ABCA10: variants seen among roughly 807,000 people sequenced by gnomAD.
ABCA10 encodes the protein ATP binding cassette subfamily A member 10.
ABCA10 carries 169 observed loss-of-function variants against 187.5 expected under a neutral mutation model. The ratio of observed to expected loss-of-function variants is 0.90; its 90% CI spans 0.80 to 1.02. The LOEUF (loss-of-function observed/expected upper bound fraction) is 1.02. Among genes scored for constraint, ABCA10 ranks in the 50% least tolerant of loss-of-function variants. The pLI, the probability that ABCA10 is intolerant of heterozygous loss-of-function variation, is 0.00. For synonymous variants in ABCA10, 574 were observed against 601.8 expected, an observed-to-expected ratio of 0.95 and a Z score of 0.68; for missense variants, 1,727 against 1,812.4, an observed-to-expected ratio of 0.95 and a Z score of 0.86.
At position 69,153,945 on chromosome 17, in the gene ABCA10, C is replaced by G. The variant is rs2074151623; in HGVS notation, c.3851G>C (p.Gly1284Ala). Residue 1284 changes from glycine (G) to alanine (A), a missense_variant, in exon 32 of 39, where the codon GGG (glycine) becomes GCG (alanine). Transcript: ENST00000690296. The stretch of plus-strand genomic sequence containing the variant: ...CAGTGAGTTCTCCTGAGGGCAGTAC[C>G]CCAAGAACTTGAGGCTGTTGTCATG... Reference protein sequence around the residue: ...QQHDNSLKFLGYCPQENSLWP... With the variant: ...QQHDNSLKFLAYCPQENSLWP... The G allele has an allele frequency of 6.2e-7, 1 of 1,614,052 alleles. No individual in the cohort carries two copies. The highest frequency in any genetic ancestry group is 8.5e-7 in the Non-Finnish European group (1 of 1,179,982).
intron 29 of ABCA10, among the ~76,000 whole-genome samples, chr17:69,155,505 T>C (rs1463197032): frequency 6.6e-6 from 1 of 152,194 alleles, no homozygotes; most frequent in Non-Finnish European, 1.5e-5. Context: ...ATATAAAATG[T>C]AATTGCAACT....
chr17:69,163,586 G>A (rs890642250), intron 27 of ABCA10, among the ~76,000 whole-genome samples: 14 of 152,154 alleles, frequency 9.2e-5, no homozygotes, highest in African/African-American at 3.1e-4. Context: ...CTGCTGTTCT[G>A]CTATTAAAGA....
chr17:69,195,878 T>TA (rs1170598781), intron 11 of ABCA10, among the ~76,000 whole-genome samples: 4 of 151,892 alleles, frequency 2.6e-5, no homozygotes, highest in Non-Finnish European at 4.4e-5. Flanking sequence ...GGGTTGGGGG[T>TA]AAGGCCATAG....
intron 5 of ABCA10, among the ~76,000 whole-genome samples, chr17:69,220,647 A>G (rs567915743): frequency 2.4e-4 from 36 of 152,328 alleles, no homozygotes; most frequent in African/African-American, 8.4e-4. Context: ...ATTTTTGCGC[A>G]TACTAAGTTT....
At chr17:69,244,147 AG>A (rs2144874922) in intron 1 of ABCA10, among the ~76,000 whole-genome samples, 1 of 152,298 alleles carries the variant, frequency 6.6e-6, no homozygotes, top group Admixed American at 6.5e-5. Context: ...TGTAAGTTAA[AG>A]TGATTGCTTT....
intron 27 of ABCA10, among the ~76,000 whole-genome samples, chr17:69,158,009 C>G (rs1352364721): frequency 6.6e-6 from 1 of 151,996 alleles, no homozygotes; most frequent in East Asian, 1.9e-4. Context: ...CAGAGGCTCA[C>G]AGGCTTTGAG....
At position 69,174,348 on chromosome 17, in the gene ABCA10, T is replaced by C. The variant is rs773127662; in HGVS notation, c.3095A>G (p.Tyr1032Cys). ...CTTGCGAAAGATGAATGAAAGCACA[T>C]ATGTGAGGAATATAAGAGAAACTGC... ...GCAVSLIFLT[Y>C]VLSFIFRKWR... is the part of the protein sequence containing the mutation. Residue 1032 changes from tyrosine (Y) to cysteine (C), a missense_variant, in exon 25 of 39, where the codon TAT becomes TGT. Coordinates refer to ENST00000690296, the MANE Select transcript of ABCA10 (RefSeq NM_001377321.1). The C allele has an allele frequency of 6.2e-7, 1 of 1,604,384 alleles. No homozygotes were observed. Among genetic ancestry groups the C allele is most frequent in the Non-Finnish European group, 8.5e-7 (1 of 1,177,466 alleles).
intron 9 of ABCA10, among the ~76,000 whole-genome samples, chr17:69,211,314 G>GATATATATAT (rs58580286): frequency 2.6e-4 from 8 of 30,336 alleles, no homozygotes; most frequent in South Asian, 1.2e-3. Flanking sequence ...TCATATATAT[G>GATATATATAT]ATATATATAT....
At chr17:69,149,172 A>G (rs2074110095) in intron 37 of ABCA10, 84 bp from the exon 38 acceptor site, 2 of 1,474,292 alleles carry the variant, frequency 1.4e-6, no homozygotes, top group East Asian at 4.5e-5. Flanking sequence ...CAGTAGCTTC[A>G]AATTGTTTAG....
chr17:69,243,328 C>A (rs1335604169), intron 1 of ABCA10, among the ~76,000 whole-genome samples: 1 of 152,178 alleles, frequency 6.6e-6, no homozygotes, highest in African/African-American at 2.4e-5. Flanking sequence ...AAGGCAATAG[C>A]CTATTACACA....
At chr17:69,161,281 T>C (rs1047195247) in intron 27 of ABCA10, among the ~76,000 whole-genome samples, 4 of 152,336 alleles carry the variant, frequency 2.6e-5, no homozygotes, top group Non-Finnish European at 4.4e-5. Flanking sequence ...TTAATGGCTA[T>C]ACAGTTTCAG....
intron 27 of ABCA10, 74 bp downstream of exon 27, chr17:69,164,000 C>A: frequency 8.4e-7 from 1 of 1,186,284 alleles, no homozygotes; most frequent in Non-Finnish European, 1.2e-6. Flanking sequence ...TTAAATTTGG[C>A]ATACCTTGAA....
intron 27 of ABCA10, among the ~76,000 whole-genome samples, chr17:69,161,264 A>G (rs1180487589): frequency 6.6e-6 from 1 of 152,186 alleles, no homozygotes; most frequent in Non-Finnish European, 1.5e-5. Context: ...GGGAAAAGGG[A>G]AATTGTTTAA....
intron 32 of ABCA10, 107 bp downstream of exon 32, chr17:69,153,724 G>T: frequency 6.9e-7 from 1 of 1,456,732 alleles, no homozygotes; most frequent in South Asian, 1.4e-5. Flanking sequence ...CATTTTATTT[G>T]CATGAAAATT....
At chr17:69,152,749 C>T (rs1222287991) in intron 34 of ABCA10, among the ~76,000 whole-genome samples, 4 of 151,892 alleles carry the variant, frequency 2.6e-5, no homozygotes, top group Non-Finnish European at 5.9e-5. Context: ...ATTGCACCAC[C>T]GCATTCCAGC....
chr17:69,150,571 A>G (rs1000723227), intron 36 of ABCA10: 1 of 153,098 alleles, frequency 6.5e-6, no homozygotes, highest in African/African-American at 2.4e-5. Flanking sequence ...AAAAGCATTA[A>G]ATAAAATTGT....
intron 6 of ABCA10, among the ~76,000 whole-genome samples, chr17:69,218,562 A>T (rs951983500): frequency 1.3e-5 from 2 of 152,108 alleles, no homozygotes; most frequent in Admixed American, 1.3e-4. Flanking sequence ...ATTGTATACT[A>T]TCTCAAAGTC....
chr17:69,201,434 G>T, intron 10 of ABCA10, 66 bp downstream of exon 10: 1 of 1,315,456 alleles, frequency 7.6e-7, no homozygotes, highest in South Asian at 1.9e-5. Flanking sequence ...ATCAACATTT[G>T]ACCTGCAGCT....
chr17:69,154,991 T>C, intron 30 of ABCA10, 28 bp downstream of exon 30: 1 of 1,479,046 alleles, frequency 6.8e-7, no homozygotes, highest in East Asian at 2.3e-5. Context: ...AACATTATAA[T>C]AATAATAAAA....
Sources: allele counts gnomAD v4.1 joint callset (sites outside exome capture counted in the v4.1 genomes callset), GRCh38; gene constraint gnomAD v4.1.1; transcripts MANE v1.5; gene names NCBI Gene and HGNC (gene_info 2026-07-23, HGNC 2026-07-21).